The following UPRT variants were observed in gnomAD, a reference collection of about 807,000 sequenced individuals.
UPRT encodes uracil phosphoribosyltransferase homolog.
UPRT carries 5 observed loss-of-function variants against 22.6 expected under a neutral mutation model. The observed-to-expected ratio is 0.22, with a 90% confidence interval of 0.12 to 0.47. The LOEUF (loss-of-function observed/expected upper bound fraction) is 0.47. Among genes scored for constraint, UPRT ranks in the 20% least tolerant of loss-of-function variants. The pLI, the probability that UPRT is intolerant of heterozygous loss-of-function variation, is 0.99. For missense variants in UPRT, 181 were observed against 239.9 expected (o/e 0.75, Z 1.62); for synonymous variants, 77 against 87.7 (o/e 0.88, Z 0.68).
intron 4 of UPRT, among the ~76,000 whole-genome samples, chrX:75,246,675 G>A (rs956003465): frequency 1.8e-5 from 2 of 111,291 alleles, no homozygotes; most frequent in African/African-American, 6.5e-5. Flanking sequence ...TTGAAGAATC[G>A]CCACACTGTC....
At chrX:75,229,291 T>C (rs2082431417) in intron 4 of UPRT, among the ~76,000 whole-genome samples, 1 of 112,070 alleles carries the variant, frequency 8.9e-6, no homozygotes, top group Non-Finnish European at 1.9e-5. Context: ...ATAACTTTAT[T>C]TGTCATTATG....
intron 4 of UPRT, among the ~76,000 whole-genome samples, chrX:75,175,663 C>T (rs1404531371): frequency 8.9e-6 from 1 of 111,987 alleles, no homozygotes; most frequent in African/African-American, 3.2e-5. Context: ...GGGCAGTGCA[C>T]CTTCCAGTGA....
At chrX:75,254,921 G>A (rs988089437) in intron 4 of UPRT, among the ~76,000 whole-genome samples, 34 of 109,831 alleles carry the variant, frequency 3.1e-4, no homozygotes, top group Non-Finnish European at 4.9e-4. Context: ...GACTACAGGC[G>A]CCCGCCACCG....
chrX:75,300,196 A>G (rs1474345725), intron 5 of UPRT, among the ~76,000 whole-genome samples: 3 of 111,814 alleles, frequency 2.7e-5, no homozygotes, highest in Non-Finnish European at 5.6e-5. Context: ...TCTTTAGCCT[A>G]ATGAGTACAG....
intron 4 of UPRT, among the ~76,000 whole-genome samples, chrX:75,216,382 C>A (rs1404234183): frequency 1.8e-5 from 2 of 112,053 alleles, no homozygotes; most frequent in Admixed American, 1.9e-4. Context: ...AATATGTACA[C>A]CAAATGCACA....
intron 4 of UPRT, among the ~76,000 whole-genome samples, chrX:75,238,829 A>C (rs1223357531): frequency 8.9e-6 from 1 of 111,963 alleles, no homozygotes; most frequent in Non-Finnish European, 1.9e-5. Flanking sequence ...AAAGTATACA[A>C]ATACATGAAA....
At chrX:75,180,695 G>GTTTTTTTTTTTTTTTTTT (rs61040746) in intron 4 of UPRT, among the ~76,000 whole-genome samples, 1 of 34,659 alleles carries the variant, frequency 2.9e-5, no homozygotes, top group African/African-American at 1.3e-4. Context: ...TTTTTTTTTT[G>GTTTTTTTTTTTTTTTTTT]TTTTTTTTTT....
chrX:75,290,089 C>A (rs1051196028), intron 1 of UPRT, among the ~76,000 whole-genome samples: 3 of 111,897 alleles, frequency 2.7e-5, no homozygotes, highest in African/African-American at 9.7e-5. Context: ...CTGTAAGGAA[C>A]TTAAACACAT....
chrX:75,172,785 T>A (rs923322072), intron 4 of UPRT, among the ~76,000 whole-genome samples: 1 of 110,443 alleles, frequency 9.1e-6, no homozygotes, highest in African/African-American at 3.3e-5. Flanking sequence ...TTCCTCCCGG[T>A]GGGCTCGTGG....
rs747317148 is a variant in UPRT at position 75,238,599 on chromosome X, T to C, written c.-446-52425T>C. Among the ~76,000 whole-genome samples, 14 of 111,483 alleles carry C rather than the reference T, an allele frequency of 1.3e-4. No homozygotes were observed. The East Asian group carries it at 3.4e-3, about 27-fold the overall frequency. On this transcript the variant is annotated intron_variant, in intron 4 of 13. Coordinates refer to the UPRT transcript ENST00000652605. ...AAAGTCAACAGAGAAACAATGGACT[T>C]AAAAGAAGAAATGGACTTAACAGAT...
At chrX:75,256,698 C>T (rs182390094) in intron 4 of UPRT, among the ~76,000 whole-genome samples, 1 of 111,857 alleles carries the variant, frequency 8.9e-6, no homozygotes, top group Non-Finnish European at 1.9e-5. Flanking sequence ...TTACAACTGA[C>T]ACCACAGAAA....
intron 4 of UPRT, among the ~76,000 whole-genome samples, chrX:75,194,412 C>T (rs5981799): frequency 0.029 from 3,211 of 111,035 alleles, 115 homozygotes; most frequent in African/African-American, 0.1. Context: ...TGTAGGGTGG[C>T]GGTACCTGGA....
chrX:75,178,486 T>C (rs1255833369), intron 4 of UPRT, among the ~76,000 whole-genome samples: 1 of 111,970 alleles, frequency 8.9e-6, no homozygotes, highest in East Asian at 2.8e-4. Context: ...TTGGTCTCAC[T>C]GACTTCAAGA....
chrX:75,165,208 C>G (rs1321721755), intron 3 of UPRT, among the ~76,000 whole-genome samples: 1 of 111,319 alleles, frequency 9.0e-6, no homozygotes, highest in Non-Finnish European at 1.9e-5. Flanking sequence ...ATTCTTTCAT[C>G]TACTTGAAGT....
chrX:75,183,850 G>A (rs764975016), intron 4 of UPRT, among the ~76,000 whole-genome samples: 64 of 112,037 alleles, frequency 5.7e-4, no homozygotes, highest in Non-Finnish European at 9.6e-4. Context: ...CATATCCTTC[G>A]CCCACTTATT....
intron 4 of UPRT, among the ~76,000 whole-genome samples, chrX:75,207,620 C>G (rs1233263435): frequency 9.0e-6 from 1 of 111,308 alleles, no homozygotes; most frequent in East Asian, 2.8e-4. Context: ...CTGCTGTAAA[C>G]GGGATGATGG....
chrX:75,251,969 C>T (rs1305444737), intron 4 of UPRT, among the ~76,000 whole-genome samples: 1 of 111,709 alleles, frequency 9.0e-6, no homozygotes, highest in African/African-American at 3.3e-5. Context: ...GGAAAGGATT[C>T]CCTATTTAAT....
chrX:75,218,111 T>C (rs1203677045), intron 4 of UPRT, among the ~76,000 whole-genome samples: 2 of 111,256 alleles, frequency 1.8e-5, no homozygotes, highest in African/African-American at 3.3e-5. Flanking sequence ...GCCTACAAAA[T>C]GGGAGAAAAT....
chrX:75,281,065 C>T (rs1197777685), intron 1 of UPRT, among the ~76,000 whole-genome samples: 2 of 110,654 alleles, frequency 1.8e-5, no homozygotes, highest in African/African-American at 6.6e-5. Flanking sequence ...TGATTCTCAG[C>T]TTGGGTACTG....
Sources: allele counts gnomAD v4.1 joint callset (sites outside exome capture counted in the v4.1 genomes callset), GRCh38; gene constraint gnomAD v4.1.1; transcripts MANE v1.5; gene names NCBI Gene and HGNC (gene_info 2026-07-23, HGNC 2026-07-21).